KCTD8: variants seen among roughly 807,000 people sequenced by gnomAD.
The protein encoded by KCTD8 is potassium channel tetramerization domain containing 8.
KCTD8 carries 27 observed loss-of-function variants against 31.5 expected under a neutral mutation model. The observed-to-expected ratio is 0.86, with a 90% CI of 0.63 to 1.18. KCTD8 has a LOEUF of 1.18. Ranked by LOEUF, KCTD8 falls within the 50% of genes most tolerant of loss-of-function variation. KCTD8 has a pLI of 0.00. For synonymous variants in KCTD8, 290 were observed against 280.0 expected, an observed-to-expected ratio of 1.04 and a Z score of -0.36; for missense variants, 658 against 647.7, an observed-to-expected ratio of 1.02 and a Z score of -0.17.
intron 1 of KCTD8, among the ~76,000 whole-genome samples, chr4:44,350,530 T>G (rs959192637): frequency 1.3e-5 from 2 of 152,174 alleles, no homozygotes; most frequent in Non-Finnish European, 2.9e-5. Flanking sequence ...GCACAACACT[T>G]GAAATAGCAG....
chr4:44,413,495 G>T (rs74376398), intron 1 of KCTD8, among the ~76,000 whole-genome samples: 4 of 152,036 alleles, frequency 2.6e-5, no homozygotes, highest in Non-Finnish European at 5.9e-5. Flanking sequence ...AACAGTAGCC[G>T]CTAAGAGTTG....
chr4:44,271,576 C>G (rs941488704), intron 1 of KCTD8, among the ~76,000 whole-genome samples: 6 of 152,094 alleles, frequency 3.9e-5, no homozygotes, highest in Admixed American at 2.0e-4. Flanking sequence ...GATGCCCACA[C>G]TGAAGGTTGT....
chr4:44,189,765 G>A (rs1005365618), intron 1 of KCTD8, among the ~76,000 whole-genome samples: 12 of 152,020 alleles, frequency 7.9e-5, no homozygotes, highest in African/African-American at 2.7e-4. Flanking sequence ...TTTGGACATC[G>A]TCTAAACTTC....
chr4:44,366,341 G>A (rs1349434327), intron 1 of KCTD8, among the ~76,000 whole-genome samples: 3 of 152,098 alleles, frequency 2.0e-5, no homozygotes, highest in Non-Finnish European at 4.4e-5. Context: ...GTCATGGGGG[G>A]TGGATTTCCC....
chr4:44,207,941 AG>A lies in KCTD8; in HGVS notation c.962-32692del, dbSNP rs567577535. ...TAGCAATATAAACACAGGCAGAGTA[AG>A]CAGGGATGAGAATCAAAGATGCAAA... On this transcript the variant is annotated intron_variant, in intron 1 of 1. Coordinates refer to ENST00000360029, the MANE Select transcript of KCTD8 (RefSeq NM_198353.3). Among the ~76,000 whole-genome samples, 4 of 152,304 alleles carry A rather than the reference AG, an allele frequency of 2.6e-5. No individual in the cohort carries two copies. The South Asian group carries it at 6.2e-4, about 24-fold the overall frequency.
intron 1 of KCTD8, among the ~76,000 whole-genome samples, chr4:44,410,061 A>G (rs948928867): frequency 2.8e-4 from 43 of 152,298 alleles, no homozygotes; most frequent in African/African-American, 1.0e-3. Flanking sequence ...ATTTTCCGCA[A>G]AAGTATTTCT....
At chr4:44,391,490 A>C (rs1205769348) in intron 1 of KCTD8, among the ~76,000 whole-genome samples, 1 of 151,882 alleles carries the variant, frequency 6.6e-6, no homozygotes, top group Non-Finnish European at 1.5e-5. Context: ...GATCTTTATG[A>C]TAATCTACTT....
intron 1 of KCTD8, among the ~76,000 whole-genome samples, chr4:44,301,885 A>C (rs547507740): frequency 6.6e-6 from 1 of 152,152 alleles, no homozygotes. Context: ...ATCTTGAATT[A>C]ATTTTTGTAT....
At chr4:44,280,182 T>C (rs1278046954) in intron 1 of KCTD8, among the ~76,000 whole-genome samples, 4 of 151,942 alleles carry the variant, frequency 2.6e-5, no homozygotes, top group Non-Finnish European at 5.9e-5. Flanking sequence ...ACAAAGAGCA[T>C]GCCAAGGCCA....
chr4:44,423,434 C>T (rs1244343368), intron 1 of KCTD8, among the ~76,000 whole-genome samples: 1 of 152,032 alleles, frequency 6.6e-6, no homozygotes, highest in African/African-American at 2.4e-5. Context: ...GTCAAGATAT[C>T]AGAGAAACAA....
At chr4:44,345,450 A>C (rs1382665395) in intron 1 of KCTD8, among the ~76,000 whole-genome samples, 1 of 152,098 alleles carries the variant, frequency 6.6e-6, no homozygotes, top group East Asian at 1.9e-4. Context: ...AATAGCAATA[A>C]ATTCTAGAGG....
chr4:44,282,209 C>T (rs1716922056), intron 1 of KCTD8, among the ~76,000 whole-genome samples: 1 of 151,952 alleles, frequency 6.6e-6, no homozygotes, highest in Non-Finnish European at 1.5e-5. Context: ...TTCCCAGTAG[C>T]ACATCCTCAC....
At chr4:44,289,265 A>T (rs1717198312) in intron 1 of KCTD8, among the ~76,000 whole-genome samples, 1 of 151,528 alleles carries the variant, frequency 6.6e-6, no homozygotes, top group South Asian at 2.1e-4. Flanking sequence ...TATTATATAG[A>T]ATACTATATC....
At chr4:44,334,886 T>C (rs1046288004) in intron 1 of KCTD8, among the ~76,000 whole-genome samples, 3 of 152,156 alleles carry the variant, frequency 2.0e-5, no homozygotes, top group Non-Finnish European at 2.9e-5. Context: ...AATTACAGAT[T>C]ATCTGGAATG....
intron 1 of KCTD8, among the ~76,000 whole-genome samples, chr4:44,391,468 G>A (rs985767075): frequency 2.0e-5 from 3 of 151,816 alleles, no homozygotes; most frequent in East Asian, 3.9e-4. Flanking sequence ...ATGTGAAAAC[G>A]ATGAGGGTGA....
chr4:44,417,215 A>T (rs1320835613), intron 1 of KCTD8, among the ~76,000 whole-genome samples: 3 of 152,244 alleles, frequency 2.0e-5, no homozygotes, highest in Admixed American at 6.5e-5. Context: ...TACAGCAAAT[A>T]GCTCAGGAGG....
chr4:44,427,690 T>A (rs10034858), intron 1 of KCTD8, among the ~76,000 whole-genome samples: 2,733 of 151,606 alleles, frequency 0.018, 71 homozygotes, highest in Middle Eastern at 0.082. Flanking sequence ...TATATAATAT[T>A]AACAAAAAAT....
chr4:44,287,416 T>C (rs777461937), intron 1 of KCTD8, among the ~76,000 whole-genome samples: 1 of 152,186 alleles, frequency 6.6e-6, no homozygotes, highest in South Asian at 2.1e-4. Context: ...AGATCATGTT[T>C]ACAAACTTAA....
In KCTD8 at chr4:44,393,264, G is replaced by A. The variant is rs949701386; in HGVS notation, c.961+54299C>T. Among the ~76,000 whole-genome samples the A allele has an allele frequency of 2.0e-5, 3 of 151,832 alleles. No homozygotes were observed. The South Asian group carries it at 6.2e-4, about 32-fold the overall frequency. ...AGGTTTCGGTAAAGGAGACATGGTA[G>A]GGAAAACAAAAAACCAAAGCTTATT... On this transcript the variant is annotated intron_variant, in intron 1 of 1. Transcript: ENST00000360029.
Sources: gnomAD v4.1 joint callset for allele counts (sites outside exome capture counted in the v4.1 genomes callset) on GRCh38, gnomAD v4.1.1 for gene constraint, MANE v1.5 for transcripts, NCBI Gene and HGNC (gene_info 2026-07-23, HGNC 2026-07-21) for gene names.